The following TAF3 variants were observed in gnomAD, a reference collection of about 807,000 sequenced individuals.
TAF3 encodes the protein transcription initiation factor TFIID subunit 3.
A neutral mutation model predicts 80.6 loss-of-function variants in TAF3; 7 were observed. The ratio of observed to expected loss-of-function variants is 0.09; its 90% CI spans 0.05 to 0.16. The LOEUF (loss-of-function observed/expected upper bound fraction) is 0.16, where lower values mean the gene tolerates loss of function less well. Among genes scored for constraint, TAF3 ranks in the 10% least tolerant of loss-of-function variants. TAF3 has a pLI of 1.00. For synonymous variants in TAF3, 444 were observed against 446.1 expected (o/e 1.00, Z 0.06); for missense variants, 921 against 1,140.2 (o/e 0.81, Z 2.77).
chr10:7,879,902 A>G (rs959651291), intron 2 of TAF3, among the ~76,000 whole-genome samples: 7 of 152,174 alleles, frequency 4.6e-5, no homozygotes, highest in African/African-American at 1.7e-4. Context: ...GGGAGAAACA[A>G]GACCTAGTAA....
intron 2 of TAF3, among the ~76,000 whole-genome samples, chr10:7,826,483 G>T (rs745743343): frequency 6.6e-6 from 1 of 151,986 alleles, no homozygotes; most frequent in Non-Finnish European, 1.5e-5. Context: ...CTGACTTCTG[G>T]CTGAAATTAC....
chr10:7,827,547 G>A (rs942950308), intron 2 of TAF3, among the ~76,000 whole-genome samples: 5 of 151,764 alleles, frequency 3.3e-5, no homozygotes, highest in African/African-American at 4.8e-5. Flanking sequence ...TTTGGGAGGC[G>A]GAGACGGGCG....
rs184310777 is a variant in TAF3, at chr10:7,936,968, A to G, written c.410-26952A>G. Reference sequence around the variant, plus strand: ...TGGCCTTCTCAGTTTGACTTCTTTCACTTACCAATATGCATTTCAGATTCC... The same window carrying G: ...TGGCCTTCTCAGTTTGACTTCTTTCGCTTACCAATATGCATTTCAGATTCC... On this transcript the variant is annotated intron_variant, in intron 2 of 6. Transcript: ENST00000344293. 2.5e-4 allele frequency among the ~76,000 whole-genome samples: 38 copies of G among 151,930 alleles called. No homozygotes were observed. In the East Asian group the frequency reaches 6.4e-3, roughly 26 times the overall value.
chr10:7,881,487 ACAAAC>A (rs1837361392), intron 2 of TAF3, among the ~76,000 whole-genome samples: 1 of 132,762 alleles, frequency 7.5e-6, no homozygotes, highest in Non-Finnish European at 1.7e-5. Flanking sequence ...ACACATACAC[ACAAAC>A]ACACACACAC....
At chr10:7,996,388 C>T (rs1037307585) in intron 4 of TAF3, among the ~76,000 whole-genome samples, 5 of 152,180 alleles carry the variant, frequency 3.3e-5, no homozygotes, top group African/African-American at 1.2e-4. Context: ...TTGGAGGTGA[C>T]GTGGTTATTT....
At chr10:7,937,539 CA>C (rs1363346164) in intron 2 of TAF3, among the ~76,000 whole-genome samples, 6 of 152,090 alleles carry the variant, frequency 3.9e-5, no homozygotes, top group African/African-American at 1.4e-4. Context: ...TTGAATGGTT[CA>C]TTTTTTTGTT....
chr10:7,849,545 G>A (rs1435194143), intron 2 of TAF3, among the ~76,000 whole-genome samples: 3 of 152,252 alleles, frequency 2.0e-5, no homozygotes, highest in South Asian at 4.2e-4. Context: ...TTTTAAATGT[G>A]CATAATAGTT....
intron 2 of TAF3, among the ~76,000 whole-genome samples, chr10:7,915,235 G>T (rs1837698749): frequency 6.6e-6 from 1 of 151,370 alleles, no homozygotes; most frequent in Admixed American, 6.6e-5. Flanking sequence ...ATGAGCCACT[G>T]CGCCTGGCCG....
chr10:7,938,960 A>G (rs1314781342), intron 2 of TAF3, among the ~76,000 whole-genome samples: 1 of 152,172 alleles, frequency 6.6e-6, no homozygotes, highest in Non-Finnish European at 1.5e-5. Context: ...ATAAAGCCGT[A>G]AGGATAATAG....
chr10:7,968,427 A>G (rs1310795144), intron 3 of TAF3, among the ~76,000 whole-genome samples: 3 of 152,208 alleles, frequency 2.0e-5, no homozygotes, highest in Non-Finnish European at 2.9e-5. Flanking sequence ...CGGAATTTGC[A>G]TGGTAGGTAG....
chr10:7,905,318 A>G (rs1254009524), intron 2 of TAF3, among the ~76,000 whole-genome samples: 4 of 152,214 alleles, frequency 2.6e-5, no homozygotes, highest in Non-Finnish European at 4.4e-5. Context: ...CACCTGTTTC[A>G]GGGGAAGCCA....
chr10:7,824,500 G>T lies in TAF3; in HGVS notation c.349G>T (p.Ala117Ser). The T allele has an allele frequency of 6.2e-7, 1 of 1,614,128 alleles. No homozygotes were observed. Among genetic ancestry groups the T allele is most frequent in the Non-Finnish European group, 8.5e-7 (1 of 1,180,016 alleles). ...LQFPQPGSKD[A>S]EERKEYIPDY... is the part of the protein sequence containing the mutation. ...GTTTCCTCAACCTGGAAGTAAAGAT[G>T]CAGAGGAAAGAAAAGAATACATTCC... Residue 117 changes from alanine to serine, a missense_variant, in exon 2 of 7, where the codon GCA (alanine) becomes TCA (serine). Around this residue, in one of 6 missense-constraint regions of TAF3, gnomAD observed 106 missense variants for 191.8 expected, o/e 0.55. Transcript: ENST00000344293.
At chr10:7,999,384 A>T (rs1248945956) in intron 4 of TAF3, among the ~76,000 whole-genome samples, 2 of 151,832 alleles carry the variant, frequency 1.3e-5, no homozygotes. Context: ...TTGAAAAGGC[A>T]AGACCCAAAA....
At chr10:7,856,045 G>A (rs1180298237) in intron 2 of TAF3, among the ~76,000 whole-genome samples, 1 of 152,170 alleles carries the variant, frequency 6.6e-6, no homozygotes, top group East Asian at 1.9e-4. Flanking sequence ...GAGGAAATGG[G>A]GGAAAAGAAG....
At chr10:7,948,284 C>CT (rs1838046836) in intron 2 of TAF3, among the ~76,000 whole-genome samples, 1 of 131,210 alleles carries the variant, frequency 7.6e-6, no homozygotes, top group Admixed American at 7.9e-5. Context: ...GAGACAAGAT[C>CT]TTTCTTGTTG....
At chr10:7,893,054 C>T (rs895333902) in intron 2 of TAF3, among the ~76,000 whole-genome samples, 17 of 151,950 alleles carry the variant, frequency 1.1e-4, no homozygotes, top group Non-Finnish European at 1.5e-4. Flanking sequence ...TCCTGACCTC[C>T]GTTGATCCAC....
intron 2 of TAF3, among the ~76,000 whole-genome samples, chr10:7,885,274 C>CA (rs1268622854): frequency 0.2 from 27,145 of 133,588 alleles, 2,563 homozygotes; most frequent in East Asian, 0.33. Context: ...ACACACACAC[C>CA]CCCACACACA....
At position 7,964,391 on chromosome 10, in the gene TAF3, T is replaced by C. The variant is rs754620206; in HGVS notation, c.881T>C (p.Met294Thr). The C allele has an allele frequency of 5.6e-6, 9 of 1,614,042 alleles. No homozygotes were observed. The highest frequency in any genetic ancestry group is 5.9e-6 in the Non-Finnish European group (7 of 1,180,016). The change falls in exon 3 of 7, where the codon ATG becomes ACG. Residue 294 changes from methionine (M) to threonine (T), a missense_variant. Physicochemically the swap from Met to Thr is moderately conservative, Grantham distance 81 (BLOSUM62 -1). Coordinates refer to ENST00000344293, the MANE Select transcript of TAF3 (RefSeq NM_031923.4). The surrounding 1 kb of genome is among the most constrained non-coding windows in gnomAD (Gnocchi z 4.1). The stretch of plus-strand genomic sequence containing the variant: ...CCTAAAACCGCCCAGTCACCAGCAA[T>C]GGTCGGAAGTCCTATTCGATCACCA... ...KSPKTAQSPA[M>T]VGSPIRSPKT... is the part of the protein sequence containing the mutation.
In TAF3 at chr10:7,863,052, C is replaced by T. The variant is rs189547827; in HGVS notation, c.409+38492C>T. ...TACCCAGGAATGGAATGGCTGTGAA[C>T]AATAAGCTATGCTTTATCTCTGACC... is the stretch of plus-strand genomic sequence containing the variant. On this transcript the variant is annotated intron_variant, in intron 2 of 6. Coordinates refer to ENST00000344293, the MANE Select transcript of TAF3 (RefSeq NM_031923.4). Among the ~76,000 whole-genome samples the T allele has an allele frequency of 4.0e-3, 607 of 152,258 alleles. 6 individuals carry two copies. Among genetic ancestry groups the T allele is most frequent in the African/African-American group, 0.014 (578 of 41,556 alleles).
Sources: gnomAD v4.1 joint callset for allele counts (sites outside exome capture counted in the v4.1 genomes callset) on GRCh38, gnomAD v4.1.1 for gene constraint, gnomAD v4.1.1 regional missense constraint, Gnocchi (gnomAD v3.1) non-coding constraint, MANE v1.5 for transcripts, NCBI Gene and HGNC (gene_info 2026-07-23, HGNC 2026-07-21) for gene names.